Variants in CHST11 observed in about 807,000 individuals in gnomAD.
CHST11 encodes C4S-1.
CHST11 carries 9 observed loss-of-function variants against 30.4 expected under a neutral mutation model. The ratio of observed to expected loss-of-function variants is 0.30; its 90% CI spans 0.18 to 0.52. The LOEUF is 0.52. Ranked by LOEUF, CHST11 falls within the 20% of genes least tolerant of loss-of-function variation. The probability of loss-of-function intolerance (pLI) is 0.97; values close to 1 mark genes in which losing one functional copy is unlikely to be tolerated. For synonymous variants in CHST11, 152 were observed against 187.8 expected (o/e 0.81, Z 1.56); for missense variants, 348 against 460.6 (o/e 0.76, Z 2.24).
intron 1 of CHST11, among the ~76,000 whole-genome samples, chr12:104,519,037 T>A (rs1373095977): frequency 6.7e-6 from 1 of 149,448 alleles, no homozygotes; most frequent in Non-Finnish European, 1.5e-5. Context: ...GCAAATGTCA[T>A]GATGAACTTT....
chr12:104,713,453 C>G (rs952248555), intron 2 of CHST11, among the ~76,000 whole-genome samples: 1 of 151,962 alleles, frequency 6.6e-6, no homozygotes, highest in African/African-American at 2.4e-5. Context: ...AATGTACCTG[C>G]AAAATCCAGG....
intron 1 of CHST11, among the ~76,000 whole-genome samples, chr12:104,576,998 T>G (rs1291159937): frequency 6.7e-6 from 1 of 150,212 alleles, no homozygotes; most frequent in Admixed American, 6.6e-5. Context: ...GGAACATTCA[T>G]ATTGGAGAAT....
chr12:104,719,795 G>A (rs562112362), intron 2 of CHST11, among the ~76,000 whole-genome samples: 29 of 152,162 alleles, frequency 1.9e-4, no homozygotes, highest in Non-Finnish European at 3.2e-4. Context: ...GAGGGGTGGC[G>A]GGGGCTGCAC....
intron 2 of CHST11, among the ~76,000 whole-genome samples, chr12:104,719,049 G>A (rs888817441): frequency 2.6e-4 from 39 of 152,144 alleles, no homozygotes; most frequent in African/African-American, 8.9e-4. Context: ...TACAGAATGG[G>A]GCACAGTAAA....
rs757597059 is a variant in CHST11, at chr12:104,729,306, T to C, written c.205-27643T>C. Among the ~76,000 whole-genome samples the C allele has an allele frequency of 6.6e-6, 1 of 152,202 alleles. No homozygotes were observed. Among genetic ancestry groups the C allele is most frequent in the African/African-American group, 2.4e-5 (1 of 41,450 alleles). ...TCCTCCCCTGTGAAATCGTGCTTCC[T>C]GTCCTGACCATCTTATCAGTTGTCC... On this transcript the variant is annotated intron_variant, in intron 2 of 2. Transcript: ENST00000303694. This position sits in a 1 kb window ranked among gnomAD's most constrained non-coding sequence, Gnocchi z 4.0.
chr12:104,694,501 T>C (rs1351668862), intron 2 of CHST11, among the ~76,000 whole-genome samples: 2 of 152,080 alleles, frequency 1.3e-5, no homozygotes, highest in Non-Finnish European at 2.9e-5. Context: ...TTTGTTTTGT[T>C]TTTGTGGTCA....
intron 1 of CHST11, among the ~76,000 whole-genome samples, chr12:104,556,360 G>T (rs929309930): frequency 6.6e-6 from 1 of 152,090 alleles, no homozygotes; most frequent in Non-Finnish European, 1.5e-5. Flanking sequence ...TGTGATCCTG[G>T]AGTTTGGCAG....
intron 1 of CHST11, among the ~76,000 whole-genome samples, chr12:104,518,369 G>A (rs1384952320): frequency 6.6e-6 from 1 of 152,090 alleles, no homozygotes. Context: ...GGGAAGATTC[G>A]GATGATACAC....
intron 2 of CHST11, among the ~76,000 whole-genome samples, chr12:104,701,517 A>G (rs1326363278): frequency 1.3e-5 from 2 of 152,026 alleles, no homozygotes; most frequent in Non-Finnish European, 2.9e-5. Context: ...ATCTGAGAAG[A>G]TGGGGCGGGC....
intron 2 of CHST11, among the ~76,000 whole-genome samples, chr12:104,754,876 T>A (rs976579486): frequency 6.6e-6 from 1 of 152,202 alleles, no homozygotes; most frequent in Non-Finnish European, 1.5e-5. Context: ...ATGTTATAGT[T>A]CAGCGTGTTG....
chr12:104,735,464 C>T (rs960755695), intron 2 of CHST11, among the ~76,000 whole-genome samples: 6 of 152,104 alleles, frequency 3.9e-5, no homozygotes, highest in East Asian at 1.9e-4. Context: ...AGATCACTGG[C>T]GGAGCACCAG....
At chr12:104,479,586 C>G (rs1309222449) in intron 1 of CHST11, among the ~76,000 whole-genome samples, 1 of 152,054 alleles carries the variant, frequency 6.6e-6, no homozygotes, top group Middle Eastern at 3.2e-3. Context: ...CCAAGACAGG[C>G]ATCAGATCTT....
intron 2 of CHST11, among the ~76,000 whole-genome samples, chr12:104,651,443 C>T (rs1240418073): frequency 6.6e-6 from 1 of 152,170 alleles, no homozygotes; most frequent in Admixed American, 6.5e-5. Flanking sequence ...CAGTGTTACC[C>T]ACCACTGTTT....
intron 2 of CHST11, among the ~76,000 whole-genome samples, chr12:104,737,671 C>T (rs1392144931): frequency 6.6e-6 from 1 of 152,192 alleles, no homozygotes; most frequent in Non-Finnish European, 1.5e-5. Context: ...GAGGAAGACA[C>T]AGAGTGGAGG....
intron 1 of CHST11, among the ~76,000 whole-genome samples, chr12:104,599,394 G>A (rs11608891): frequency 8.5e-5 from 13 of 152,118 alleles, no homozygotes; most frequent in Admixed American, 1.3e-4. Context: ...CGATGAGCCC[G>A]TCTGCCGCCA....
intron 2 of CHST11, among the ~76,000 whole-genome samples, chr12:104,617,694 A>G (rs1448901523): frequency 2.0e-5 from 3 of 152,212 alleles, no homozygotes; most frequent in African/African-American, 7.2e-5. Context: ...TCTCAGAGTC[A>G]GGTTGCCTCG....
chr12:104,702,824 G>A (rs567164325), intron 2 of CHST11, among the ~76,000 whole-genome samples: 14 of 152,320 alleles, frequency 9.2e-5, no homozygotes, highest in Non-Finnish European at 1.8e-4. Flanking sequence ...GGCGGACAGC[G>A]GGTCGGCGAG....
intron 1 of CHST11, among the ~76,000 whole-genome samples, chr12:104,507,542 T>C (rs1317258402): frequency 6.6e-6 from 1 of 152,232 alleles, no homozygotes; most frequent in Non-Finnish European, 1.5e-5. Flanking sequence ...GCAATAGTAC[T>C]CATCAGTTAT....
At chr12:104,565,927 G>A (rs536666824) in intron 1 of CHST11, among the ~76,000 whole-genome samples, 6 of 152,342 alleles carry the variant, frequency 3.9e-5, no homozygotes, top group Middle Eastern at 3.4e-3. Context: ...GACAGAACCT[G>A]CAGGCGTGTG....
Sources: allele counts gnomAD v4.1 joint callset (sites outside exome capture counted in the v4.1 genomes callset), GRCh38; gene constraint gnomAD v4.1.1; non-coding constraint Gnocchi (gnomAD v3.1); transcripts MANE v1.5; gene names NCBI Gene and HGNC (gene_info 2026-07-23, HGNC 2026-07-21).